The following PAX5 variants were observed in gnomAD, a reference collection of about 807,000 sequenced individuals.
PAX5 encodes paired box protein Pax-5.
Under a neutral mutation model 43.7 loss-of-function variants are expected in PAX5, and 9 were observed. The observed-to-expected ratio is 0.21, with a 90% confidence interval of 0.12 to 0.36. PAX5 has a LOEUF of 0.36. Ranked by LOEUF, PAX5 falls within the 10% of genes least tolerant of loss-of-function variation. PAX5 has a pLI of 1.00. For synonymous variants in PAX5, 228 were observed against 214.3 expected, an observed-to-expected ratio of 1.06 and a Z score of -0.56; for missense variants, 383 against 532.7, an observed-to-expected ratio of 0.72 and a Z score of 2.77.
intron 7 of PAX5, among the ~76,000 whole-genome samples, chr9:36,913,689 C>T (rs537402613): frequency 8.5e-5 from 13 of 152,292 alleles, no homozygotes; most frequent in South Asian, 6.2e-4. Context: ...ATATTTAATG[C>T]GGCATATATA....
At chr9:36,922,450 G>A (rs1830247962) in intron 7 of PAX5, among the ~76,000 whole-genome samples, 3 of 152,182 alleles carry the variant, frequency 2.0e-5, no homozygotes, top group African/African-American at 7.2e-5. Flanking sequence ...ACCAAGAGCT[G>A]GCAGCTGAGT....
At chr9:36,973,820 A>G (rs1469110059) in intron 5 of PAX5, among the ~76,000 whole-genome samples, 1 of 152,244 alleles carries the variant, frequency 6.6e-6, no homozygotes, top group East Asian at 1.9e-4. Flanking sequence ...AGCCTGGCCA[A>G]TATGGTAAAA....
intron 1 of PAX5, among the ~76,000 whole-genome samples, chr9:37,023,448 A>G (rs1368236946): frequency 1.3e-5 from 2 of 152,188 alleles, no homozygotes; most frequent in Admixed American, 1.3e-4. Flanking sequence ...TGACACAGAG[A>G]CAGAGGCAAA....
intron 7 of PAX5, among the ~76,000 whole-genome samples, chr9:36,912,137 G>A (rs1313334915): frequency 2.0e-5 from 3 of 152,210 alleles, no homozygotes; most frequent in African/African-American, 2.4e-5. Context: ...AGGACCCTTC[G>A]GAGAGCATCC....
At chr9:36,889,733 G>A (rs1158962932) in intron 7 of PAX5, among the ~76,000 whole-genome samples, 4 of 152,152 alleles carry the variant, frequency 2.6e-5, no homozygotes, top group Admixed American at 2.0e-4. Flanking sequence ...CTCAGAAAAC[G>A]TTTGCCAAGA....
intron 6 of PAX5, chr9:36,930,773 A>G: frequency 1.7e-6 from 2 of 1,155,234 alleles, no homozygotes; most frequent in East Asian, 5.5e-5. Context: ...GGAGAGGGAC[A>G]CCACTTTGGA....
rs10814492 is a variant in PAX5, at chr9:36,973,135, A to T, written c.605-6411T>A. On this transcript the variant is annotated intron_variant, in intron 5 of 9. Transcript: ENST00000358127. ...GAAAGGAAAGGAAAGGAAAGGAAAG[A>T]AAAGGAAAGGAAAGGAAAGGAAAGG... is the stretch of plus-strand genomic sequence containing the variant. Among the ~76,000 whole-genome samples, 584 of 74,778 alleles carry T rather than the reference A, an allele frequency of 7.8e-3. 7 individuals carry two copies. The highest frequency in any genetic ancestry group is 0.029 in the African/African-American group (468 of 16,006). 49.1% of individuals were successfully genotyped at this position (74,778 alleles called of 152,430 possible). A position where few individuals can be genotyped will look rare whatever the true frequency, so the allele number is the denominator to read the frequency against.
intron 6 of PAX5, among the ~76,000 whole-genome samples, chr9:36,940,517 C>A (rs772899778): frequency 6.6e-6 from 1 of 152,112 alleles, no homozygotes; most frequent in Admixed American, 6.5e-5. Context: ...CACATGCTTG[C>A]GCACACGACC....
intron 6 of PAX5, among the ~76,000 whole-genome samples, chr9:36,928,540 C>A (rs1254050754): frequency 1.3e-5 from 2 of 152,166 alleles, no homozygotes; most frequent in Non-Finnish European, 2.9e-5. Flanking sequence ...ATCCTTAGTG[C>A]CCCCTAAGTG....
chr9:36,960,931 T>C (rs1462742741), intron 6 of PAX5, among the ~76,000 whole-genome samples: 1 of 152,154 alleles, frequency 6.6e-6, no homozygotes, highest in Non-Finnish European at 1.5e-5. Context: ...TGCCCTTCCC[T>C]CAAGGCACCT....
intron 7 of PAX5, among the ~76,000 whole-genome samples, chr9:36,883,075 G>A (rs1826588833): frequency 6.6e-6 from 1 of 152,198 alleles, no homozygotes; most frequent in African/African-American, 2.4e-5. Flanking sequence ...TGGCTGCCTG[G>A]GATGGATAAG....
At chr9:36,981,187 C>A (rs115595312) in intron 5 of PAX5, among the ~76,000 whole-genome samples, 1,401 of 129,794 alleles carry the variant, frequency 0.011, 40 homozygotes, top group African/African-American at 0.04. Context: ...ACAGCAAAGC[C>A]CCCCCCCCCT....
At chr9:36,864,599 C>T (rs1375034521) in intron 8 of PAX5, among the ~76,000 whole-genome samples, 3 of 152,250 alleles carry the variant, frequency 2.0e-5, no homozygotes, top group East Asian at 1.9e-4. Context: ...CTGCCCCCAT[C>T]GGCCCAGGCC....
chr9:36,985,803 TG>T (rs1836349494), intron 5 of PAX5, among the ~76,000 whole-genome samples: 1 of 152,184 alleles, frequency 6.6e-6, no homozygotes, highest in African/African-American at 2.4e-5. Context: ...GAAAAAGTGA[TG>T]CCTTTGTGTT....
rs181742043 is a variant in PAX5, at chr9:37,000,605, T to A, written c.604+2043A>T. 4.4e-3 allele frequency among the ~76,000 whole-genome samples: 667 copies of A among 152,138 alleles called. 4 individuals carry two copies. The highest frequency in any genetic ancestry group is 0.015 in the African/African-American group (626 of 41,488). ...CCGTGTCTATTTATTAAGAAAAAAATTTTAATTAAAAAGTAAAAAAGATCA... is the reference window on the plus strand; with the variant it reads ...CCGTGTCTATTTATTAAGAAAAAAAATTTAATTAAAAAGTAAAAAAGATCA... On this transcript the variant is annotated intron_variant, in intron 5 of 9. Coordinates refer to ENST00000358127, the MANE Select transcript of PAX5 (RefSeq NM_016734.3).
intron 2 of PAX5, among the ~76,000 whole-genome samples, chr9:37,018,168 C>A (rs960084696): frequency 6.6e-6 from 1 of 152,112 alleles, no homozygotes; most frequent in African/African-American, 2.4e-5. Context: ...GAAATACAGA[C>A]GGTTGAGAAT....
rs551515502 is a variant in PAX5 at position 36,979,757 on chromosome 9, T to C, written c.605-13033A>G. Among the ~76,000 whole-genome samples, 9 of 152,284 alleles carry C rather than the reference T, an allele frequency of 5.9e-5. No individual in the cohort carries two copies. In the South Asian group the frequency reaches 1.7e-3, roughly 28 times the overall value. ...GCCAATCTCCAGGCAATTTCAGAAT[T>C]ACCAAGCCATTTTGGACAAATCACT... On this transcript the variant is annotated intron_variant, in intron 5 of 9. Coordinates refer to ENST00000358127, the MANE Select transcript of PAX5 (RefSeq NM_016734.3).
intron 6 of PAX5, among the ~76,000 whole-genome samples, chr9:36,952,070 ATAT>A (rs1222261060): frequency 9.9e-5 from 15 of 151,964 alleles, no homozygotes; most frequent in Non-Finnish European, 2.1e-4. Context: ...TTTACAGGTG[ATAT>A]TATTTATTGG....
At chr9:36,954,206 G>GT (rs1833253549) in intron 6 of PAX5, among the ~76,000 whole-genome samples, 1 of 151,796 alleles carries the variant, frequency 6.6e-6, no homozygotes, top group Non-Finnish European at 1.5e-5. Context: ...TGAAGTAATT[G>GT]GACTAAAGTA....
Sources: allele counts gnomAD v4.1 joint callset (sites outside exome capture counted in the v4.1 genomes callset), GRCh38; gene constraint gnomAD v4.1.1; transcripts MANE v1.5; gene names NCBI Gene and HGNC (gene_info 2026-07-23, HGNC 2026-07-21).